Variants in ATP11A observed in about 807,000 individuals in gnomAD.
ATP11A encodes the protein ATPase phospholipid transporting 11A.
ATP11A carries 81 observed loss-of-function variants against 154.4 expected under a neutral mutation model. The ratio of observed to expected loss-of-function variants is 0.52; its 90% CI spans 0.44 to 0.63. The LOEUF is 0.63. Among genes scored for constraint, ATP11A ranks in the 30% least tolerant of loss-of-function variants. ATP11A has a pLI of 0.00. For synonymous variants in ATP11A, 623 were observed against 585.9 expected (o/e 1.06, Z -0.91); for missense variants, 1,316 against 1,474.3 (o/e 0.89, Z 1.76).
intron 1 of ATP11A, among the ~76,000 whole-genome samples, chr13:112,740,212 C>T (rs1019001390): frequency 2.0e-5 from 3 of 151,824 alleles, no homozygotes; most frequent in African/African-American, 7.3e-5. Context: ...CGGAGTCTCG[C>T]TCTGTTGCCC....
chr13:112,694,995 G>C (rs1885629972), intron 1 of ATP11A, among the ~76,000 whole-genome samples: 1 of 152,202 alleles, frequency 6.6e-6, no homozygotes. Flanking sequence ...TGTATAATGT[G>C]AACATCAGTG....
intron 1 of ATP11A, among the ~76,000 whole-genome samples, chr13:112,703,625 T>TA (rs769408477): frequency 6.6e-6 from 1 of 152,240 alleles, no homozygotes; most frequent in Non-Finnish European, 1.5e-5. Context: ...GGTTATTTTT[T>TA]AAGTTGTGGA....
chr13:112,836,169 C>G lies in ATP11A; in HGVS notation c.1632-9C>G. ...GTGGACGGTGTGACCTTCTGCATTT[C>G]TCTTTCAGGTTTGAATTGCTGGAAA... On this transcript the variant is annotated splice_polypyrimidine_tract_variant and intron_variant, in intron 15 of 29. Coordinates refer to ENST00000375645, the MANE Select transcript of ATP11A (RefSeq NM_015205.3). 3 of 1,609,050 alleles carry G rather than the reference C, an allele frequency of 1.9e-6. No individual in the cohort carries two copies. The highest frequency in any genetic ancestry group is 2.6e-6 in the Non-Finnish European group (3 of 1,175,958).
chr13:112,795,416 TTGTAAA>T lies in ATP11A; in HGVS notation c.163-9539_163-9534del, dbSNP rs377363125. Among the ~76,000 whole-genome samples, 799 of 152,302 alleles carry T rather than the reference TTGTAAA, an allele frequency of 5.2e-3. 8 individuals carry two copies. Among genetic ancestry groups the T allele is most frequent in the African/African-American group, 0.018 (750 of 41,552 alleles). ...ACTTTCAAAACCATAGAGAGGAGCATTGTAAATCTCTGTGGCTCGTCTCCACTGTCA... is the reference window on the plus strand; with the variant it reads ...ACTTTCAAAACCATAGAGAGGAGCATTCTCTGTGGCTCGTCTCCACTGTCA... On this transcript the variant is annotated intron_variant, in intron 2 of 29. Transcript: ENST00000375645.
chr13:112,769,574 C>A (rs561806145), intron 1 of ATP11A, among the ~76,000 whole-genome samples: 1 of 152,242 alleles, frequency 6.6e-6, no homozygotes, highest in Non-Finnish European at 1.5e-5. Flanking sequence ...TCCCCAGAGC[C>A]GGCCCATAGC....
At chr13:112,737,510 G>T (rs1044590060) in intron 1 of ATP11A, among the ~76,000 whole-genome samples, 13 of 152,252 alleles carry the variant, frequency 8.5e-5, no homozygotes, top group African/African-American at 2.9e-4. Flanking sequence ...AGCTGCCGTG[G>T]TCATAAAGAC....
At chr13:112,863,331 C>T (rs1477923510) in intron 25 of ATP11A, among the ~76,000 whole-genome samples, 1 of 143,346 alleles carries the variant, frequency 7.0e-6, no homozygotes, top group African/African-American at 2.5e-5. Context: ...ATGCAGCTTC[C>T]CAGCGGGGTC....
chr13:112,702,073 C>T (rs1258816119), intron 1 of ATP11A, among the ~76,000 whole-genome samples: 3 of 151,888 alleles, frequency 2.0e-5, no homozygotes, highest in African/African-American at 4.8e-5. Context: ...CAGCCTGGTG[C>T]GATGGGTCAA....
chr13:112,725,166 C>A (rs753241456), intron 1 of ATP11A, among the ~76,000 whole-genome samples: 46 of 152,160 alleles, frequency 3.0e-4, no homozygotes, highest in Non-Finnish European at 5.4e-4. Context: ...ACTGCAAACC[C>A]CCCTTGTGGG....
intron 1 of ATP11A, among the ~76,000 whole-genome samples, chr13:112,773,002 G>T (rs1472343321): frequency 6.6e-6 from 1 of 152,184 alleles, no homozygotes; most frequent in Non-Finnish European, 1.5e-5. Flanking sequence ...CAAGAACCCT[G>T]AGTGTGTCCA....
chr13:112,708,551 A>C (rs1887407014), intron 1 of ATP11A, among the ~76,000 whole-genome samples: 1 of 152,240 alleles, frequency 6.6e-6, no homozygotes, highest in South Asian at 2.1e-4. Flanking sequence ...ACGTAAAAGG[A>C]GTATTAATGG....
chr13:112,706,086 C>CT (rs915746814), intron 1 of ATP11A, among the ~76,000 whole-genome samples: 8 of 152,140 alleles, frequency 5.3e-5, no homozygotes, highest in South Asian at 4.2e-4. Flanking sequence ...GGGCAACACT[C>CT]TTTTTTTTCA....
Position 112,785,351 on chromosome 13 carries a change from C to A in ATP11A, c.162+94C>A, listed in dbSNP as rs1355867803. 1 of 1,305,454 alleles carries A rather than the reference C, an allele frequency of 7.7e-7. No individual in the cohort carries two copies. Among genetic ancestry groups the A allele is most frequent in the African/African-American group, 1.5e-5 (1 of 65,736 alleles). 80.9% of individuals were successfully genotyped at this position (1,305,454 alleles called of 1,614,324 possible). A position where few individuals can be genotyped will look rare whatever the true frequency, so the allele number is the denominator to read the frequency against. ...CTCGGTTTCAAAGAGCGGCTCTGCT[C>A]CTGGCCCTGCTGTCACAGCCACCAG... On this transcript the variant is annotated intron_variant, in intron 2 of 29. Transcript: ENST00000375645. The surrounding 1 kb of genome is among the most constrained non-coding windows in gnomAD (Gnocchi z 4.8).
In ATP11A at chr13:112,882,262, C is replaced by A; in HGVS notation, c.*396C>A. 1.8e-6 allele frequency: 1 copy of A among 564,848 alleles called. No individual in the cohort carries two copies. The highest frequency in any genetic ancestry group is 2.7e-6 in the Non-Finnish European group (1 of 366,276). 35.0% of individuals were successfully genotyped at this position (564,848 alleles called of 1,614,324 possible). A position where few individuals can be genotyped will look rare whatever the true frequency, so the allele number is the denominator to read the frequency against. On this transcript the variant is annotated 3_prime_UTR_variant, in exon 30 of 30. Coordinates refer to ENST00000375645, the MANE Select transcript of ATP11A (RefSeq NM_015205.3). This position sits in a 1 kb window ranked among gnomAD's most constrained non-coding sequence, Gnocchi z 5.1. Reference sequence around the variant, plus strand: ...GGACATTCTGCTGGCCCACCCTGCGCGCTGTCATGCAGAGGCCATTCCCCC... The same window carrying A: ...GGACATTCTGCTGGCCCACCCTGCGAGCTGTCATGCAGAGGCCATTCCCCC...
chr13:112,839,450 C>G (rs2079332951), intron 16 of ATP11A, among the ~76,000 whole-genome samples: 3 of 152,090 alleles, frequency 2.0e-5, no homozygotes, highest in Admixed American at 6.5e-5. Flanking sequence ...TGTCCTTGAG[C>G]TGGTCTGTGA....
chr13:112,693,075 A>T (rs1885381198), intron 1 of ATP11A, among the ~76,000 whole-genome samples: 1 of 152,240 alleles, frequency 6.6e-6, no homozygotes. Flanking sequence ...CTTGGAAAAC[A>T]TTGCTGTAGG....
intron 12 of ATP11A, among the ~76,000 whole-genome samples, chr13:112,829,109 C>T (rs1349032587): frequency 6.6e-6 from 1 of 152,232 alleles, no homozygotes; most frequent in Non-Finnish European, 1.5e-5. Flanking sequence ...GTGCCCCGTT[C>T]TGCGATGCAG....
chr13:112,750,065 G>C (rs1566424275), intron 1 of ATP11A, among the ~76,000 whole-genome samples: 2 of 56,178 alleles, frequency 3.6e-5, no homozygotes, highest in Non-Finnish European at 3.2e-5. Flanking sequence ...GGACACGCCT[G>C]CTGAAGGATG....
intron 1 of ATP11A, among the ~76,000 whole-genome samples, chr13:112,721,333 A>G (rs1049205560): frequency 2.6e-5 from 4 of 152,182 alleles, no homozygotes; most frequent in Non-Finnish European, 4.4e-5. Context: ...CACAAATGTT[A>G]CGGGAAAGAA....
Sources: allele counts gnomAD v4.1 joint callset (sites outside exome capture counted in the v4.1 genomes callset), GRCh38; gene constraint gnomAD v4.1.1; non-coding constraint Gnocchi (gnomAD v3.1); transcripts MANE v1.5; gene names NCBI Gene and HGNC (gene_info 2026-07-23, HGNC 2026-07-21).